Variants in ITGA6 observed in about 807,000 individuals in gnomAD.
The protein encoded by ITGA6 is integrin subunit alpha 6.
A neutral mutation model predicts 133.6 loss-of-function variants in ITGA6; 63 were observed. That is an observed-to-expected ratio of 0.47 (90% CI 0.38 to 0.58). ITGA6 has a LOEUF of 0.58. Ranked by LOEUF, ITGA6 falls within the 20% of genes least tolerant of loss-of-function variation. ITGA6 has a pLI of 0.00. For synonymous variants in ITGA6, 434 were observed against 482.0 expected, an observed-to-expected ratio of 0.90 and a Z score of 1.30; for missense variants, 1,068 against 1,309.4, an observed-to-expected ratio of 0.82 and a Z score of 2.85.
intron 23 of ITGA6, among the ~76,000 whole-genome samples, chr2:172,492,741 A>G (rs1414135794): frequency 1.3e-5 from 2 of 152,302 alleles, no homozygotes; most frequent in East Asian, 3.9e-4. Flanking sequence ...GACTGGAGAA[A>G]GAAATACTGT....
Position 172,504,489 on chromosome 2 carries a change from T to C in ITGA6, c.*421T>C. On this transcript the variant is annotated 3_prime_UTR_variant, in exon 26 of 26. Transcript: ENST00000684293. ...TTCTTTAACTGCCGTAATTTAACTTTCTGGGTTGCCTTTATTTTTGGCGTG... is the reference window on the plus strand; with the variant it reads ...TTCTTTAACTGCCGTAATTTAACTTCCTGGGTTGCCTTTATTTTTGGCGTG... 1 of 377,152 alleles carries C rather than the reference T, an allele frequency of 2.7e-6. No individual in the cohort carries two copies. The highest frequency in any genetic ancestry group is 4.8e-6 in the Non-Finnish European group (1 of 206,704). The allele number at this position is 377,152 out of a possible 1,614,324, so 23.4% of individuals were successfully genotyped here.
chr2:172,489,161 C>T (rs542345711), intron 19 of ITGA6, among the ~76,000 whole-genome samples: 1 of 152,192 alleles, frequency 6.6e-6, no homozygotes, highest in East Asian at 1.9e-4. Flanking sequence ...GGTTACAGGG[C>T]AGTTCACAAA....
intron 13 of ITGA6, among the ~76,000 whole-genome samples, chr2:172,486,348 C>T (rs1354649650): frequency 6.6e-6 from 1 of 152,034 alleles, no homozygotes; most frequent in African/African-American, 2.4e-5. Flanking sequence ...AATATAGTTC[C>T]TTATATTTCT....
At chr2:172,455,884 A>C (rs552741565) in intron 1 of ITGA6, among the ~76,000 whole-genome samples, 1 of 152,352 alleles carries the variant, frequency 6.6e-6, no homozygotes, top group South Asian at 2.1e-4. Context: ...AGTCTGGTAG[A>C]TTGACTTCTT....
chr2:172,428,562 A>AAAGG (rs1683972347), intron 1 of ITGA6: 1 of 143,956 alleles, frequency 6.9e-6, no homozygotes, highest in African/African-American at 2.6e-5. Flanking sequence ...AAAAAAAAAA[A>AAAGG]GATGGGGGTG....
Position 172,467,816 on chromosome 2 carries a change from A to C in ITGA6, c.387+256A>C, listed in dbSNP as rs538832731. On this transcript the variant is annotated intron_variant, in intron 3 of 25. Coordinates refer to ENST00000684293, the MANE Select transcript of ITGA6 (RefSeq NM_000210.4). ...AGCCTGACCAATATGATGAAACCCCATCTCTACTAAAAATACAAAAATTAG... is the reference window on the plus strand; with the variant it reads ...AGCCTGACCAATATGATGAAACCCCCTCTCTACTAAAAATACAAAAATTAG... Among the ~76,000 whole-genome samples, 690 of 152,212 alleles carry C rather than the reference A, an allele frequency of 4.5e-3. 7 individuals are homozygous for C. Among genetic ancestry groups the C allele is most frequent in the African/African-American group, 0.015 (632 of 41,530 alleles).
At chr2:172,456,556 T>A (rs1344760549) in intron 1 of ITGA6, among the ~76,000 whole-genome samples, 1 of 152,216 alleles carries the variant, frequency 6.6e-6, no homozygotes, top group Non-Finnish European at 1.5e-5. Context: ...TGGGGAAACC[T>A]GGACATATGG....
At chr2:172,455,949 C>T (rs1264290447) in intron 1 of ITGA6, among the ~76,000 whole-genome samples, 1 of 152,198 alleles carries the variant, frequency 6.6e-6, no homozygotes, top group Non-Finnish European at 1.5e-5. Flanking sequence ...GATAAACGCA[C>T]AAACAAGCTT....
chr2:172,443,485 C>T (rs757415600), intron 1 of ITGA6, among the ~76,000 whole-genome samples: 4 of 152,108 alleles, frequency 2.6e-5, no homozygotes, highest in South Asian at 2.1e-4. Context: ...TTAATGGTCA[C>T]GGCTGATTCT....
chr2:172,466,229 T>C (rs1685666386), intron 2 of ITGA6, among the ~76,000 whole-genome samples: 1 of 152,244 alleles, frequency 6.6e-6, no homozygotes, highest in African/African-American at 2.4e-5. Flanking sequence ...ATTAGTGTAC[T>C]GAGAAGCTCT....
rs760585298 is a variant in ITGA6, at chr2:172,484,771, A to T, written c.1550-11A>T. 1 of 1,612,622 alleles carries T rather than the reference A, an allele frequency of 6.2e-7. No individual in the cohort carries two copies. The highest frequency in any genetic ancestry group is 1.3e-5 in the African/African-American group (1 of 74,910). ...ATGCACTTACGTTAATATGATTTTA[A>T]TTTTATCTAGCAATTGTGGGCACAC... is the stretch of plus-strand genomic sequence containing the variant. On this transcript the variant is annotated splice_polypyrimidine_tract_variant and intron_variant, in intron 11 of 25. Transcript: ENST00000684293.
chr2:172,459,901 T>C (rs1685361878), intron 1 of ITGA6, among the ~76,000 whole-genome samples: 1 of 152,090 alleles, frequency 6.6e-6, no homozygotes, highest in African/African-American at 2.4e-5. Flanking sequence ...TGAGCCAAGA[T>C]GAGATCCTGA....
intron 2 of ITGA6, 90 bp from the exon 3 acceptor site, chr2:172,467,391 C>T: frequency 3.2e-6 from 3 of 941,398 alleles, no homozygotes; most frequent in East Asian, 2.5e-5. Flanking sequence ...AGAGTCGAGG[C>T]CATTTGGAAA....
At chr2:172,471,890 C>A (rs1685954080) in intron 5 of ITGA6, among the ~76,000 whole-genome samples, 1 of 137,720 alleles carries the variant, frequency 7.3e-6, no homozygotes. Context: ...AAATAGTAAC[C>A]TGTTTAAAAA....
Position 172,479,644 on chromosome 2 carries a change from C to G in ITGA6, c.1392C>G (p.Ser464=), listed in dbSNP as rs764708760. 20 of 1,613,636 alleles carry G rather than the reference C, an allele frequency of 1.2e-5. No homozygotes were observed. The highest frequency in any genetic ancestry group is 3.3e-5 in the Admixed American group (2 of 59,998). ...SLSDSVTIFR[S]RPVINIQKTI... is the part of the protein sequence containing the mutation. ...TTTTCACTCCTTTTGTCTTCAGATC[C>G]CGGCCTGTGATTAATATTCAGAAAA... Residue 464 remains serine (S), a synonymous_variant, in exon 10 of 26, where the codon TCC becomes TCG. Coordinates refer to ENST00000684293, the MANE Select transcript of ITGA6 (RefSeq NM_000210.4).
At chr2:172,460,119 CT>C (rs1685372509) in intron 1 of ITGA6, among the ~76,000 whole-genome samples, 1 of 152,216 alleles carries the variant, frequency 6.6e-6, no homozygotes, top group Non-Finnish European at 1.5e-5. Flanking sequence ...AGGCTGAGGG[CT>C]TCTGATACTG....
chr2:172,474,098 G>A lies in ITGA6; in HGVS notation c.819G>A (p.Glu273=), dbSNP rs1181076031. 1.9e-6 allele frequency: 3 copies of A among 1,613,692 alleles called. No individual in the cohort carries two copies. The South Asian group carries it at 3.3e-5, about 18-fold the overall frequency. Residue 273 remains glutamate (E), a synonymous_variant, in exon 6 of 26, where the codon GAG becomes GAA. Coordinates refer to ENST00000684293, the MANE Select transcript of ITGA6 (RefSeq NM_000210.4). ...GGAAAGGTATTGTTTCTAAAGATGAGATCACTTTTGTATCTGGTGCTCCCA... is the reference window on the plus strand; with the variant it reads ...GGAAAGGTATTGTTTCTAAAGATGAAATCACTTTTGTATCTGGTGCTCCCA... ...DSGKGIVSKD[E]ITFVSGAPRA...
chr2:172,465,774 A>G, intron 2 of ITGA6, 111 bp downstream of exon 2: 1 of 1,396,592 alleles, frequency 7.2e-7, no homozygotes, highest in South Asian at 1.2e-5. Flanking sequence ...ACTTCTTTTA[A>G]TTGCATCAGA....
At chr2:172,439,361 A>T (rs1684449293) in intron 1 of ITGA6, among the ~76,000 whole-genome samples, 1 of 151,876 alleles carries the variant, frequency 6.6e-6, no homozygotes, top group Admixed American at 6.6e-5. Context: ...TTTGGGTTCT[A>T]AAATACTGTC....
Sources: gnomAD v4.1 joint callset for allele counts (sites outside exome capture counted in the v4.1 genomes callset) on GRCh38, gnomAD v4.1.1 for gene constraint, MANE v1.5 for transcripts, NCBI Gene and HGNC (gene_info 2026-07-23, HGNC 2026-07-21) for gene names.